The following CALCR variants were observed in gnomAD, a reference collection of about 807,000 sequenced individuals.
CALCR encodes the protein calcitonin receptor.
In CALCR, 47 loss-of-function variants were observed where a neutral mutation model predicts 59.5. That is an observed-to-expected ratio of 0.79 (90% CI 0.63 to 1.01). The LOEUF is 1.01. Among genes scored for constraint, CALCR ranks in the 50% least tolerant of loss-of-function variants. The pLI is 0.00. For missense variants in CALCR, 566 were observed against 597.1 expected (o/e 0.95, Z 0.54); for synonymous variants, 213 against 211.3 (o/e 1.01, Z -0.07).
chr7:93,542,421 T>C (rs575334612), intron 2 of CALCR, among the ~76,000 whole-genome samples: 1 of 152,322 alleles, frequency 6.6e-6, no homozygotes, highest in African/African-American at 2.4e-5. Context: ...AGGGCACTTA[T>C]AAATGGAGCT....
intron 2 of CALCR, among the ~76,000 whole-genome samples, chr7:93,541,378 T>C (rs369115904): frequency 4.6e-5 from 7 of 152,204 alleles, no homozygotes; most frequent in African/African-American, 9.6e-5. Context: ...TTTCACTATG[T>C]TGTCTCTATC....
At chr7:93,426,891 T>C (rs1799542630) in intron 13 of CALCR, among the ~76,000 whole-genome samples, 1 of 152,244 alleles carries the variant, frequency 6.6e-6, no homozygotes, top group Non-Finnish European at 1.5e-5. Flanking sequence ...TCACAGGTAA[T>C]GTGGTATACA....
intron 13 of CALCR, among the ~76,000 whole-genome samples, chr7:93,428,860 G>A (rs1447898021): frequency 6.6e-6 from 1 of 150,624 alleles, no homozygotes; most frequent in African/African-American, 2.4e-5. Flanking sequence ...GATTATCCTT[G>A]TAGCTGAAAC....
chr7:93,445,236 A>G (rs1584541503), intron 8 of CALCR, among the ~76,000 whole-genome samples: 2 of 152,254 alleles, frequency 1.3e-5, no homozygotes, highest in South Asian at 4.1e-4. Context: ...AACTGGGATT[A>G]TTTAATATAA....
intron 7 of CALCR, among the ~76,000 whole-genome samples, chr7:93,466,424 A>C (rs1281477710): frequency 1.3e-5 from 2 of 151,958 alleles, no homozygotes; most frequent in African/African-American, 4.8e-5. Flanking sequence ...GATCATACTT[A>C]AATTTTAAGA....
chr7:93,484,115 G>T, intron 3 of CALCR: 1 of 354,582 alleles, frequency 2.8e-6, no homozygotes, highest in Non-Finnish European at 6.4e-6. Context: ...TCTAGGTTCT[G>T]GAAATTCAGC....
intron 2 of CALCR, among the ~76,000 whole-genome samples, chr7:93,503,264 A>G (rs1197930555): frequency 6.6e-6 from 1 of 152,148 alleles, no homozygotes; most frequent in South Asian, 2.1e-4. Context: ...TGGTCCTGCC[A>G]GGGGAGCAAC....
At chr7:93,540,735 T>C (rs1490957314) in intron 2 of CALCR, among the ~76,000 whole-genome samples, 1 of 68,452 alleles carries the variant, frequency 1.5e-5, no homozygotes, top group Non-Finnish European at 4.1e-5. Context: ...ATTTATATTA[T>C]ATAATATTAT....
In CALCR at chr7:93,574,498, C is replaced by T. The variant is rs542228653; in HGVS notation, c.-236G>A. ...CGCAGCCCACCCAGACGCTGGTGGG[C>T]TGGCTTTCCTAGTTTGATGCGAGAG... On this transcript the variant is annotated 5_prime_UTR_variant, in exon 2 of 14. Transcript: ENST00000426151. 2.3e-4 allele frequency: 35 copies of T among 152,356 alleles called. No individual in the cohort carries two copies. Among genetic ancestry groups the T allele is most frequent in the African/African-American group, 8.4e-4 (35 of 41,584 alleles). 9.4% of individuals were successfully genotyped at this position (152,356 alleles called of 1,614,324 possible). A position where few individuals can be genotyped will look rare whatever the true frequency, so the allele number is the denominator to read the frequency against.
intron 8 of CALCR, among the ~76,000 whole-genome samples, chr7:93,446,135 G>C (rs1208632051): frequency 6.6e-6 from 1 of 151,968 alleles, no homozygotes. Flanking sequence ...ATTTGCAAAG[G>C]TGGAATTCAT....
At chr7:93,568,964 T>C (rs1475374459) in intron 2 of CALCR, among the ~76,000 whole-genome samples, 2 of 152,158 alleles carry the variant, frequency 1.3e-5, no homozygotes, top group African/African-American at 4.8e-5. Flanking sequence ...ATCACATCTC[T>C]CTTATTATCC....
Position 93,555,523 on chromosome 7 carries a change from AAACAAC to A in CALCR, c.-27+18760_-27+18765del, listed in dbSNP as rs530208892. On this transcript the variant is annotated intron_variant, in intron 2 of 13. Coordinates refer to ENST00000426151, the MANE Select transcript of CALCR (RefSeq NM_001742.4). ...TGCAAAAAGTCATTTATGGAGAAGG[AAACAAC>A]AACAACAACAACAAAAACCCTAAGC... Among the ~76,000 whole-genome samples the A allele has an allele frequency of 2.3e-3, 348 of 152,216 alleles. 4 individuals are homozygous for A. Among genetic ancestry groups the A allele is most frequent in the African/African-American group, 8.1e-3 (335 of 41,544 alleles).
intron 2 of CALCR, among the ~76,000 whole-genome samples, chr7:93,521,345 A>C (rs1248516662): frequency 1.3e-5 from 2 of 152,138 alleles, no homozygotes; most frequent in Non-Finnish European, 2.9e-5. Context: ...CACCTCTTCT[A>C]TGCATGAGAA....
At chr7:93,562,028 CATA>C (rs1422924564) in intron 2 of CALCR, among the ~76,000 whole-genome samples, 1 of 151,882 alleles carries the variant, frequency 6.6e-6, no homozygotes, top group African/African-American at 2.4e-5. Context: ...ATGTAAGTCT[CATA>C]ATAATATGAT....
At chr7:93,545,754 A>T (rs1446967840) in intron 2 of CALCR, among the ~76,000 whole-genome samples, 1 of 152,144 alleles carries the variant, frequency 6.6e-6, no homozygotes, top group East Asian at 1.9e-4. Flanking sequence ...TAGTCCTGCT[A>T]CTACCATGGG....
chr7:93,479,983 C>T (rs185343763), intron 3 of CALCR, among the ~76,000 whole-genome samples: 2 of 151,814 alleles, frequency 1.3e-5, no homozygotes, highest in East Asian at 3.9e-4. Context: ...GTGTACACTG[C>T]CAGAAATTTA....
At chr7:93,567,713 C>T (rs954168659) in intron 2 of CALCR, among the ~76,000 whole-genome samples, 2 of 152,044 alleles carry the variant, frequency 1.3e-5, no homozygotes, top group East Asian at 1.9e-4. Flanking sequence ...CCCCTGCCCC[C>T]CAACAGGCCC....
At chr7:93,561,437 T>C (rs970517713) in intron 2 of CALCR, among the ~76,000 whole-genome samples, 2 of 152,158 alleles carry the variant, frequency 1.3e-5, no homozygotes, top group African/African-American at 4.8e-5. Flanking sequence ...TTTTGCTTTT[T>C]CAAAAGAGCC....
At chr7:93,571,188 T>C (rs1443928381) in intron 2 of CALCR, among the ~76,000 whole-genome samples, 1 of 152,138 alleles carries the variant, frequency 6.6e-6, no homozygotes, top group Non-Finnish European at 1.5e-5. Flanking sequence ...AAGATCACAT[T>C]CACATGGAAA....
Sources: allele counts gnomAD v4.1 joint callset (sites outside exome capture counted in the v4.1 genomes callset), GRCh38; gene constraint gnomAD v4.1.1; transcripts MANE v1.5; gene names NCBI Gene and HGNC (gene_info 2026-07-23, HGNC 2026-07-21).